MYO16: variants seen among roughly 807,000 people sequenced by gnomAD.
MYO16 encodes myosin XVI.
Under a neutral mutation model 205.3 loss-of-function variants are expected in MYO16, and 94 were observed. The observed-to-expected ratio is 0.46, with a 90% CI of 0.39 to 0.54. MYO16 has a LOEUF of 0.54. Among genes scored for constraint, MYO16 ranks in the 20% least tolerant of loss-of-function variants. The probability of loss-of-function intolerance (pLI) is 0.00; values close to 1 mark genes in which losing one functional copy is unlikely to be tolerated. For missense variants in MYO16, 2,315 were observed against 2,387.5 expected, an observed-to-expected ratio of 0.97 and a Z score of 0.63; for synonymous variants, 988 against 954.0, an observed-to-expected ratio of 1.04 and a Z score of -0.66.
Position 109,019,741 on chromosome 13 carries a change from G to A in MYO16, c.2626G>A (p.Glu876Lys). The stretch of plus-strand genomic sequence containing the variant: ...ATCTGGATTTCTCACCTTATTGGAT[G>A]AAGAAAGTCAAATGATTTGGTCAGT... Reference protein sequence around the residue: ...KPSGFLTLLDEESQMIWSVES... With the variant: ...KPSGFLTLLDKESQMIWSVES... The change falls in exon 23 of 35, where the codon GAA becomes AAA. Residue 876 changes from glutamate to lysine, a missense_variant. Physicochemically the swap from Glu to Lys is moderately conservative, Grantham distance 56. Around this residue, in one of 3 missense-constraint regions of MYO16, gnomAD observed 1,213 missense variants for 1,274.4 expected, o/e 0.95. Coordinates refer to ENST00000457511, the MANE Select transcript of MYO16 (RefSeq NM_001198950.3). 1 of 1,614,006 alleles carries A rather than the reference G, an allele frequency of 6.2e-7. No homozygotes were observed. The highest frequency in any genetic ancestry group is 8.5e-7 in the Non-Finnish European group (1 of 1,179,978).
At chr13:109,117,461 T>A (rs573797899) in intron 28 of MYO16, among the ~76,000 whole-genome samples, 14 of 147,346 alleles carry the variant, frequency 9.5e-5, no homozygotes, top group Admixed American at 6.1e-4. Context: ...TATATATGTA[T>A]GTGTATATAT....
At position 108,977,755 on chromosome 13, in the gene MYO16, A is replaced by G. The variant is rs538650856; in HGVS notation, c.2369+12853A>G. Reference sequence around the variant, plus strand: ...TAATCTATTTTACTAAAACTGTATCAATGATATATTGCTTTAATTACTTCT... The same window carrying G: ...TAATCTATTTTACTAAAACTGTATCGATGATATATTGCTTTAATTACTTCT... On this transcript the variant is annotated intron_variant, in intron 20 of 34. Transcript: ENST00000457511. Among the ~76,000 whole-genome samples the G allele has an allele frequency of 1.3e-4, 20 of 152,246 alleles. No homozygotes were observed. The South Asian group carries it at 4.1e-3, about 32-fold the overall frequency.
chr13:109,042,725 G>A (rs1448016245), intron 23 of MYO16, among the ~76,000 whole-genome samples: 2 of 152,060 alleles, frequency 1.3e-5, no homozygotes, highest in Non-Finnish European at 2.9e-5. Flanking sequence ...AAAGTTGGAG[G>A]GCCCTTAGGT....
intron 20 of MYO16, among the ~76,000 whole-genome samples, chr13:108,975,184 G>A (rs1361398532): frequency 6.9e-6 from 1 of 144,602 alleles, no homozygotes; most frequent in Non-Finnish European, 1.5e-5. Flanking sequence ...TTGGGATACT[G>A]TTTTTGTTTT....
At chr13:108,699,098 A>G (rs7996666) in intron 2 of MYO16, among the ~76,000 whole-genome samples, 3 of 108,462 alleles carry the variant, frequency 2.8e-5, no homozygotes, top group African/African-American at 1.0e-4. Flanking sequence ...CTCTCTCTCT[A>G]TATATATATA....
intron 31 of MYO16, among the ~76,000 whole-genome samples, chr13:109,137,436 T>C (rs1876832063): frequency 6.6e-6 from 1 of 152,218 alleles, no homozygotes; most frequent in Admixed American, 6.5e-5. Context: ...ATTATTCATA[T>C]CTTCAGAGCA....
At chr13:108,974,972 C>G (rs955676663) in intron 20 of MYO16, among the ~76,000 whole-genome samples, 1 of 152,144 alleles carries the variant, frequency 6.6e-6, no homozygotes, top group African/African-American at 2.4e-5. Flanking sequence ...TTGTACAGAT[C>G]ACTTATGAAG....
chr13:109,077,991 A>G (rs9521164), intron 27 of MYO16, among the ~76,000 whole-genome samples: 73,229 of 151,922 alleles, frequency 0.48, 17,898 homozygotes, highest in Middle Eastern at 0.55. Context: ...TTCATTTGGG[A>G]GTAGTTTCTA....
At chr13:108,757,036 C>G (rs560035415) in intron 4 of MYO16, among the ~76,000 whole-genome samples, 1 of 152,190 alleles carries the variant, frequency 6.6e-6, no homozygotes, top group East Asian at 1.9e-4. Flanking sequence ...GCCATGATTG[C>G]TTTTGATATT....
the MYO16 span, among the ~76,000 whole-genome samples, chr13:108,507,582 A>G: frequency 6.6e-6 from 1 of 152,082 alleles, no homozygotes; most frequent in Non-Finnish European, 1.5e-5. Context: ...GTTTGATGAT[A>G]ATGTGTCTTT....
upstream of MYO16, chr13:108,596,114 G>A (rs1566496824): frequency 6.6e-6 from 1 of 151,646 alleles, no homozygotes; most frequent in Non-Finnish European, 1.5e-5. Flanking sequence ...AGGTGGGGAC[G>A]GGGGAGGGAT....
chr13:108,917,502 A>G (rs1320282828), intron 16 of MYO16, among the ~76,000 whole-genome samples: 1 of 152,240 alleles, frequency 6.6e-6, no homozygotes, highest in Non-Finnish European at 1.5e-5. Context: ...ACTCTCTATT[A>G]GTAACTCTGG....
At chr13:108,572,689 A>G in the MYO16 span, among the ~76,000 whole-genome samples, 4 of 152,138 alleles carry the variant, frequency 2.6e-5, no homozygotes, top group African/African-American at 9.7e-5. Context: ...GTTACTGAAA[A>G]TGTTACTCTT....
At position 108,992,291 on chromosome 13, in the gene MYO16, G is replaced by T. The variant is rs1024289645; in HGVS notation, c.2370-85G>T. 1.6e-5 allele frequency: 14 copies of T among 896,636 alleles called. No individual in the cohort carries two copies. The African/African-American group carries it at 2.1e-4, about 13-fold the overall frequency. The allele number at this position is 896,636 out of a possible 1,614,324, so 55.5% of individuals were successfully genotyped here. ...TTGGCAGCAATGTGCTAAGTGGCTG[G>T]ATTCTTCTGACCTGAATAATGAAAA... is the stretch of plus-strand genomic sequence containing the variant. On this transcript the variant is annotated intron_variant, in intron 20 of 34. Transcript: ENST00000457511.
At chr13:108,562,497 G>T in the MYO16 span, among the ~76,000 whole-genome samples, 2 of 152,124 alleles carry the variant, frequency 1.3e-5, no homozygotes, top group Non-Finnish European at 2.9e-5. Flanking sequence ...ATTGGATGCA[G>T]GTTTTAAGGA....
chr13:108,663,237 G>A lies in MYO16; in HGVS notation c.29-2649G>A, dbSNP rs112955434. ...CAAGCCTCTACATGCTGCTCTGTCCGCAGCTGCAATCCAGTCCTGCCTCCT... is the reference window on the plus strand; with the variant it reads ...CAAGCCTCTACATGCTGCTCTGTCCACAGCTGCAATCCAGTCCTGCCTCCT... On this transcript the variant is annotated intron_variant, in intron 1 of 34. Transcript: ENST00000457511. Among the ~76,000 whole-genome samples, 182 of 152,192 alleles carry A rather than the reference G, an allele frequency of 1.2e-3. 2 individuals are homozygous for A. Among genetic ancestry groups the A allele is most frequent in the African/African-American group, 1.6e-3 (65 of 41,534 alleles).
At chr13:108,588,908 T>A in the MYO16 span, among the ~76,000 whole-genome samples, 2 of 152,168 alleles carry the variant, frequency 1.3e-5, no homozygotes, top group African/African-American at 2.4e-5. Flanking sequence ...TGATTTTTAC[T>A]GCTGTATAGT....
At chr13:108,561,321 A>G in the MYO16 span, among the ~76,000 whole-genome samples, 3 of 152,204 alleles carry the variant, frequency 2.0e-5, no homozygotes, top group Non-Finnish European at 4.4e-5. Flanking sequence ...CGTAACAGAA[A>G]CCAATATTTA....
At chr13:108,768,251 T>C (rs1199216895) in intron 4 of MYO16, among the ~76,000 whole-genome samples, 1 of 152,202 alleles carries the variant, frequency 6.6e-6, no homozygotes, top group East Asian at 1.9e-4. Flanking sequence ...ACTCAGCTCT[T>C]GGAGTTTCCA....
Sources: allele counts gnomAD v4.1 joint callset (sites outside exome capture counted in the v4.1 genomes callset), GRCh38; gene constraint gnomAD v4.1.1; regional missense constraint gnomAD v4.1.1; transcripts MANE v1.5; gene names NCBI Gene and HGNC (gene_info 2026-07-23, HGNC 2026-07-21).